Variants in KCNK3 observed in about 807,000 individuals in gnomAD.
The protein encoded by KCNK3 is potassium two pore domain channel subfamily K member 3.
A neutral mutation model predicts 27.3 loss-of-function variants in KCNK3; 9 were observed. The ratio of observed to expected loss-of-function variants is 0.33; its 90% confidence interval spans 0.20 to 0.57. The LOEUF (loss-of-function observed/expected upper bound fraction) is 0.57, where lower values mean the gene tolerates loss of function less well. KCNK3 is among the 20% of genes least tolerant of loss of function. The pLI, the probability that KCNK3 is intolerant of heterozygous loss-of-function variation, is 0.87. For missense variants in KCNK3, 391 were observed against 577.7 expected, an observed-to-expected ratio of 0.68 and a Z score of 3.31; for synonymous variants, 278 against 273.8, an observed-to-expected ratio of 1.02 and a Z score of -0.15.
At chr2:26,707,024 C>T (rs535821406) in intron 1 of KCNK3, among the ~76,000 whole-genome samples, 22 of 152,280 alleles carry the variant, frequency 1.4e-4, no homozygotes, top group Admixed American at 7.8e-4. Context: ...CCCAGGATTA[C>T]GCTTTTGTCC....
chr2:26,729,398 A>T lies in KCNK3; in HGVS notation c.*830A>T, dbSNP rs1207041137. 6.6e-6 allele frequency: 1 copy of T among 152,230 alleles called. No individual in the cohort carries two copies. Among genetic ancestry groups the T allele is most frequent in the Non-Finnish European group, 1.5e-5 (1 of 68,060 alleles). The allele number at this position is 152,230 out of a possible 1,614,324, so 9.4% of individuals were successfully genotyped here. On this transcript the variant is annotated 3_prime_UTR_variant, in exon 2 of 2. Coordinates refer to ENST00000302909, the MANE Select transcript of KCNK3 (RefSeq NM_002246.3). Reference sequence around the variant, plus strand: ...CTCTTAAATTTGTCGAGTGATTTTTAGCCTCTGAAAACTCTATGCTGGCCA... The same window carrying T: ...CTCTTAAATTTGTCGAGTGATTTTTTGCCTCTGAAAACTCTATGCTGGCCA...
intron 1 of KCNK3, among the ~76,000 whole-genome samples, chr2:26,695,772 C>G (rs1425341110): frequency 6.6e-6 from 1 of 152,176 alleles, no homozygotes; most frequent in Non-Finnish European, 1.5e-5. Flanking sequence ...CCAAGAGAGA[C>G]GCTAAAAGCC....
intron 1 of KCNK3, among the ~76,000 whole-genome samples, chr2:26,720,258 G>GAAACA (rs950353526): frequency 2.0e-5 from 3 of 152,128 alleles, no homozygotes; most frequent in Admixed American, 6.5e-5. Context: ...CCGTCTCAAA[G>GAAACA]AAACAAAACA....
chr2:26,692,882 C>G lies in KCNK3; in HGVS notation c.7C>G (p.Arg3Gly). 1 of 1,355,314 alleles carries G rather than the reference C, an allele frequency of 7.4e-7. No individual in the cohort carries two copies. Among genetic ancestry groups the G allele is most frequent in the Non-Finnish European group, 9.6e-7 (1 of 1,044,156 alleles). The allele number at this position is 1,355,314 out of a possible 1,614,324, so 84.0% of individuals were successfully genotyped here. Residue 3 changes from arginine to glycine, a missense_variant, in exon 1 of 2, where the codon CGG becomes GGG. Transcript: ENST00000302909. This position sits in a 1 kb window ranked among gnomAD's most constrained non-coding sequence, Gnocchi z 5.6. MK[R>G]QNVRTLALIV... is the part of the protein sequence containing the mutation. ...CGGCGGCCCGGGCGGGACGATGAAG[C>G]GGCAGAACGTGCGCACGCTGGCGCT...
intron 1 of KCNK3, among the ~76,000 whole-genome samples, chr2:26,700,754 T>C (rs113666106): frequency 6.9e-5 from 6 of 87,036 alleles, no homozygotes; most frequent in South Asian, 3.9e-4. Flanking sequence ...ATCACCATCA[T>C]CATCATCATC....
rs1197123123 is a variant in KCNK3 at position 26,728,459 on chromosome 2, G to T, written c.1076G>T (p.Arg359Leu). The change falls in exon 2 of 2, where the codon CGA becomes CTA. Residue 359 changes from arginine to leucine, a missense_variant. Arg to Leu is a moderately radical substitution (Grantham distance 102). Transcript: ENST00000302909. ...GGGRYSDTPSRRCLCSGAPRS... is the reference protein window; with the variant it reads ...GGGRYSDTPSLRCLCSGAPRS... ...GGCCGCTACAGCGACACGCCCTCGCGACGCTGCCTGTGCAGCGGGGCGCCA... is the reference window on the plus strand; with the variant it reads ...GGCCGCTACAGCGACACGCCCTCGCTACGCTGCCTGTGCAGCGGGGCGCCA... The T allele has an allele frequency of 5.7e-6, 9 of 1,573,026 alleles. No homozygotes were observed. In the East Asian group the frequency reaches 7.0e-5, roughly 12 times the overall value.
At chr2:26,718,847 A>T (rs913827489) in intron 1 of KCNK3, among the ~76,000 whole-genome samples, 7 of 152,114 alleles carry the variant, frequency 4.6e-5, no homozygotes, top group African/African-American at 1.7e-4. Context: ...GGCTCAAGCG[A>T]TCCTCCCACC....
rs146961587 is a variant in KCNK3, at chr2:26,698,609, C to G, written c.283+5451C>G. On this transcript the variant is annotated intron_variant, in intron 1 of 1. Transcript: ENST00000302909. The stretch of plus-strand genomic sequence containing the variant: ...CCTTACCAAGGAACTGCTCTGTCTC[C>G]CAAGGGTTACCATGACCACGGCTAC... 4.5e-3 allele frequency among the ~76,000 whole-genome samples: 691 copies of G among 152,216 alleles called. 8 individuals carry two copies. The highest frequency in any genetic ancestry group is 0.016 in the African/African-American group (663 of 41,512).
intron 1 of KCNK3, among the ~76,000 whole-genome samples, chr2:26,716,061 G>A (rs1162913824): frequency 4.6e-5 from 7 of 152,328 alleles, no homozygotes; most frequent in East Asian, 1.9e-4. Context: ...GAGGGGCAGC[G>A]TCTTGCCTGG....
chr2:26,727,214 T>A (rs892341161), intron 1 of KCNK3, among the ~76,000 whole-genome samples: 2 of 152,090 alleles, frequency 1.3e-5, no homozygotes, highest in South Asian at 4.1e-4. Flanking sequence ...AACTGAGGCA[T>A]GGAGAGGACA....
chr2:26,728,333 G>A lies in KCNK3; in HGVS notation c.950G>A (p.Ser317Asn). 5.6e-6 allele frequency: 9 copies of A among 1,603,990 alleles called. No homozygotes were observed. Among genetic ancestry groups the A allele is most frequent in the Non-Finnish European group, 7.7e-6 (9 of 1,175,544 alleles). The change falls in exon 2 of 2, where the codon AGC becomes AAC. Residue 317 changes from serine to asparagine, a missense_variant. By Grantham distance (46) the Ser-to-Asn change is conservative (BLOSUM62 1). Coordinates refer to ENST00000302909, the MANE Select transcript of KCNK3 (RefSeq NM_002246.3). ...QSMCSCLWYK[S>N]REKLQYSIPM... The stretch of plus-strand genomic sequence containing the variant: ...ATGTGCTCGTGCCTGTGGTACAAGA[G>A]CCGCGAGAAGCTGCAGTACTCCATC...
intron 1 of KCNK3, among the ~76,000 whole-genome samples, chr2:26,698,799 A>G (rs1045192612): frequency 2.0e-5 from 3 of 152,130 alleles, no homozygotes; most frequent in Admixed American, 6.5e-5. Context: ...TCCTCAGAGC[A>G]GAAAGCTAGC....
intron 1 of KCNK3, among the ~76,000 whole-genome samples, chr2:26,708,399 C>T (rs147430166): frequency 1.5e-4 from 23 of 152,242 alleles, no homozygotes; most frequent in African/African-American, 4.3e-4. Flanking sequence ...TTTGGCTGGG[C>T]GCGGTGGCTC....
At chr2:26,708,869 C>A (rs576084237) in intron 1 of KCNK3, among the ~76,000 whole-genome samples, 1 of 152,134 alleles carries the variant, frequency 6.6e-6, no homozygotes, top group African/African-American at 2.4e-5. Flanking sequence ...GTCACCAGGC[C>A]ACCCGCAGGT....
chr2:26,709,196 C>G (rs1001528304), intron 1 of KCNK3, among the ~76,000 whole-genome samples: 2 of 152,158 alleles, frequency 1.3e-5, no homozygotes, highest in African/African-American at 4.8e-5. Context: ...ATGCTCATTT[C>G]AAATCCATGA....
intron 1 of KCNK3, among the ~76,000 whole-genome samples, chr2:26,710,479 C>T (rs1663091766): frequency 6.6e-6 from 1 of 152,186 alleles, no homozygotes. Flanking sequence ...CACTCACACA[C>T]AGGCTTCAGA....
chr2:26,720,418 C>G (rs900305465), intron 1 of KCNK3, among the ~76,000 whole-genome samples: 1 of 152,198 alleles, frequency 6.6e-6, no homozygotes, highest in Non-Finnish European at 1.5e-5. Flanking sequence ...CCAGAAGGAG[C>G]TGGCCAGGGA....
At chr2:26,700,929 T>G (rs895088829) in intron 1 of KCNK3, among the ~76,000 whole-genome samples, 1 of 152,110 alleles carries the variant, frequency 6.6e-6, no homozygotes, top group Admixed American at 6.5e-5. Context: ...GGAGGCCAGC[T>G]CAGCAATGCA....
At chr2:26,725,834 G>T (rs762416043) in intron 1 of KCNK3, among the ~76,000 whole-genome samples, 1 of 152,184 alleles carries the variant, frequency 6.6e-6, no homozygotes. Context: ...GGTTGACAGA[G>T]GTGCCAGCTT....
Sources: gnomAD v4.1 joint callset for allele counts (sites outside exome capture counted in the v4.1 genomes callset) on GRCh38, gnomAD v4.1.1 for gene constraint, Gnocchi (gnomAD v3.1) non-coding constraint, MANE v1.5 for transcripts, NCBI Gene and HGNC (gene_info 2026-07-23, HGNC 2026-07-21) for gene names.